The following NDUFA3 variants were observed in gnomAD, a reference collection of about 807,000 sequenced individuals.
NDUFA3 encodes NADH:ubiquinone oxidoreductase subunit A3.
In NDUFA3, 10 loss-of-function variants were observed where a neutral mutation model predicts 11.4. The observed-to-expected ratio is 0.87, with a 90% CI of 0.54 to 1.48. The LOEUF is 1.48. NDUFA3 is among the 40% of genes most tolerant of loss of function. The pLI is 0.00. For missense variants in NDUFA3, 115 were observed against 110.5 expected (o/e 1.04, Z -0.18); for synonymous variants, 39 against 46.9 (o/e 0.83, Z 0.68).
At position 54,104,294 on chromosome 19, in the gene NDUFA3, C is replaced by T. The variant is rs587630002; in HGVS notation, c.85+1106C>T. 5.9e-5 allele frequency among the ~76,000 whole-genome samples: 9 copies of T among 151,936 alleles called. No individual in the cohort carries two copies. The South Asian group carries it at 1.7e-3, about 28-fold the overall frequency. On this transcript the variant is annotated intron_variant, in intron 2 of 3. Coordinates refer to ENST00000485876, the MANE Select transcript of NDUFA3 (RefSeq NM_004542.4). ...CTGGGATTACAGGCGAGCACCACCA[C>T]GCCCGGCTAATTTTTGTATTTTTAG...
chr19:54,102,856 C>T lies in NDUFA3; in HGVS notation c.-23C>T, dbSNP rs1221529143. ...CCCAGGGTGCTCCGCGTCCTCGCCG[C>T]TGTCGCCGCCGCGGAGACAAAGATG... On this transcript the variant is annotated 5_prime_UTR_variant, in exon 1 of 4. Transcript: ENST00000485876. The T allele has an allele frequency of 1.2e-6, 2 of 1,607,256 alleles. No homozygotes were observed. Among genetic ancestry groups the T allele is most frequent in the Non-Finnish European group, 1.7e-6 (2 of 1,176,740 alleles).
chr19:54,103,040 G>T, intron 1 of NDUFA3, 74 bp from the exon 2 acceptor site: 1 of 1,558,616 alleles, frequency 6.4e-7, no homozygotes, highest in Non-Finnish European at 8.8e-7. Context: ...CTCCAGGGCA[G>T]GGGTGGCACG....
In NDUFA3 at chr19:54,107,531, G is replaced by T; in HGVS notation, c.*629G>T. The T allele has an allele frequency of 3.2e-6, 1 of 307,958 alleles. No homozygotes were observed. 19.1% of individuals were successfully genotyped at this position (307,958 alleles called of 1,614,324 possible). ...CCCAAAGTGCCGGGATTACAGGCAT[G>T]AGCCACTGCACCTGGCCAGCCTCAC... is the stretch of plus-strand genomic sequence containing the variant. On this transcript the variant is annotated 3_prime_UTR_variant, in exon 4 of 4. Transcript: ENST00000485876.
intron 3 of NDUFA3, 189 bp downstream of exon 3, chr19:54,106,200 T>G: frequency 1.6e-6 from 1 of 606,554 alleles, no homozygotes; most frequent in Non-Finnish European, 2.9e-6. Context: ...TTCGTTTTTG[T>G]TTTTTGGGGT....
chr19:54,103,331 C>A, intron 2 of NDUFA3, 143 bp downstream of exon 2: 1 of 833,576 alleles, frequency 1.2e-6, no homozygotes, highest in South Asian at 1.8e-5. Context: ...TTATCTATCC[C>A]CATACCCATT....
In NDUFA3 at chr19:54,105,670, C is replaced by A. The variant is rs1289509085; in HGVS notation, c.86-264C>A. On this transcript the variant is annotated intron_variant, in intron 2 of 3. Transcript: ENST00000485876. The stretch of plus-strand genomic sequence containing the variant: ...TCAAACGTGCTCATTCCATGACCAA[C>A]CCCACTGCTGCCTCCTCCAGGCCCC... The A allele has an allele frequency of 5.8e-6, 4 of 684,204 alleles. No homozygotes were observed. The South Asian group carries it at 6.0e-5, about 10-fold the overall frequency. The allele number at this position is 684,204 out of a possible 1,614,324, so 42.4% of individuals were successfully genotyped here. A position where few individuals can be genotyped will look rare whatever the true frequency, so the allele number is the denominator to read the frequency against.
Position 54,103,107 on chromosome 19 carries a change from C to T in NDUFA3, c.11-7C>T. On this transcript the variant is annotated splice_region_variant and splice_polypyrimidine_tract_variant and intron_variant, in intron 1 of 3. Transcript: ENST00000485876. Reference sequence around the variant, plus strand: ...TGCAGGGGTGACGCTTCTTGCCACCCCTTCAGGAGTCGGCGCCTTCCTCAA... The same window carrying T: ...TGCAGGGGTGACGCTTCTTGCCACCTCTTCAGGAGTCGGCGCCTTCCTCAA... The T allele has an allele frequency of 6.2e-7, 1 of 1,612,072 alleles. No individual in the cohort carries two copies. Among genetic ancestry groups the T allele is most frequent in the East Asian group, 2.2e-5 (1 of 44,806 alleles).
At position 54,104,129 on chromosome 19, in the gene NDUFA3, G is replaced by T. The variant is rs1387511201; in HGVS notation, c.85+941G>T. On this transcript the variant is annotated intron_variant, in intron 2 of 3. Transcript: ENST00000485876. The stretch of plus-strand genomic sequence containing the variant: ...ATTACAGGCGTGAGCCACCGCGCCC[G>T]GCCAGCTTTTTTTTTTTTTTTTTTT... 3.7e-5 allele frequency among the ~76,000 whole-genome samples: 5 copies of T among 135,034 alleles called. No homozygotes were observed. The East Asian group carries it at 8.5e-4, about 23-fold the overall frequency. 88.6% of individuals were successfully genotyped at this position (135,034 alleles called of 152,430 possible). A position where few individuals can be genotyped will look rare whatever the true frequency, so the allele number is the denominator to read the frequency against.
At chr19:54,105,264 CTTTTTTTTT>C (rs796770972) in intron 2 of NDUFA3, among the ~76,000 whole-genome samples, 7 of 71,262 alleles carry the variant, frequency 9.8e-5, no homozygotes, top group Admixed American at 8.0e-4. Context: ...GTTTGTAAGG[CTTTTTTTTT>C]TTTTTTTTTT....
chr19:54,102,990 G>A lies in NDUFA3; in HGVS notation c.10+102G>A, dbSNP rs1315355251. Reference sequence around the variant, plus strand: ...GCAGGGCAGGGGTGGAAGCGATGGGGTCCGTGCTGGAGGGGAACGCAGAAG... The same window carrying A: ...GCAGGGCAGGGGTGGAAGCGATGGGATCCGTGCTGGAGGGGAACGCAGAAG... On this transcript the variant is annotated intron_variant, in intron 1 of 3. Coordinates refer to ENST00000485876, the MANE Select transcript of NDUFA3 (RefSeq NM_004542.4). The A allele has an allele frequency of 2.6e-6, 4 of 1,544,050 alleles. No individual in the cohort carries two copies. In the South Asian group the frequency reaches 3.5e-5, roughly 14 times the overall value.
At position 54,106,819 on chromosome 19, in the gene NDUFA3, C is replaced by G. The variant is rs200318289; in HGVS notation, c.172C>G (p.Arg58Gly). Reference protein sequence around the residue: ...ATPYNYPVPVRDDGNMPDVPS... With the variant: ...ATPYNYPVPVGDDGNMPDVPS... ...CACCTCCTGCCCCACAGTGCCCGTC[C>G]GTGATGATGGGAACATGCCCGACGT... The change falls in exon 4 of 4, where the codon CGT becomes GGT. Residue 58 changes from arginine to glycine, a missense_variant. Transcript: ENST00000485876. The G allele has an allele frequency of 1.2e-6, 2 of 1,612,552 alleles. No homozygotes were observed. Among genetic ancestry groups the G allele is most frequent in the East Asian group, 4.5e-5 (2 of 44,838 alleles).
At chr19:54,105,666 C>T (rs1023796529) in intron 2 of NDUFA3, 4 of 680,488 alleles carry the variant, frequency 5.9e-6, no homozygotes, top group Non-Finnish European at 5.5e-6. Flanking sequence ...CATTCCATGA[C>T]CAACCCCACT....
chr19:54,106,561 T>C, intron 3 of NDUFA3: 1 of 463,336 alleles, frequency 2.2e-6, no homozygotes, highest in South Asian at 4.6e-5. Flanking sequence ...CTCAGGTTTC[T>C]GTCCTGTTTC....
At position 54,103,828 on chromosome 19, in the gene NDUFA3, A is replaced by C. The variant is rs587774577; in HGVS notation, c.85+640A>C. Reference sequence around the variant, plus strand: ...CGAGTAGCTGGGATTACAGGCGCCCAGCTAATTTTTTGTTTTTGTTTTTGA... The same window carrying C: ...CGAGTAGCTGGGATTACAGGCGCCCCGCTAATTTTTTGTTTTTGTTTTTGA... On this transcript the variant is annotated intron_variant, in intron 2 of 3. Coordinates refer to ENST00000485876, the MANE Select transcript of NDUFA3 (RefSeq NM_004542.4). Among the ~76,000 whole-genome samples the C allele has an allele frequency of 5.5e-4, 82 of 147,758 alleles. No individual in the cohort carries two copies. The East Asian group carries it at 0.013, about 24-fold the overall frequency.
chr19:54,106,880 T>G lies in NDUFA3; in HGVS notation c.233T>G (p.Leu78Arg). ...SHPQDPQGPS[L>R]EWLKKL ...CCCCAGGACCCTCAGGGCCCCAGCC[T>G]GGAGTGGCTGAAGAAACTGTGAGCA... The change falls in exon 4 of 4, where the codon CTG (leucine) becomes CGG (arginine). Residue 78 changes from leucine to arginine, a missense_variant. By Grantham distance (102) the Leu-to-Arg change is moderately radical. Coordinates refer to ENST00000485876, the MANE Select transcript of NDUFA3 (RefSeq NM_004542.4). 1 of 1,613,362 alleles carries G rather than the reference T, an allele frequency of 6.2e-7. No individual in the cohort carries two copies. The highest frequency in any genetic ancestry group is 8.5e-7 in the Non-Finnish European group (1 of 1,179,810).
rs897235839 is a variant in NDUFA3 at position 54,107,168 on chromosome 19, A to G, written c.*266A>G. On this transcript the variant is annotated 3_prime_UTR_variant, in exon 4 of 4. Coordinates refer to ENST00000485876, the MANE Select transcript of NDUFA3 (RefSeq NM_004542.4). ...AAAGCCAAAGTCTTCCTCAACCTTA[A>G]TCTGCAGGAGATAAGGAACAAGGTG... 10 of 1,613,084 alleles carry G rather than the reference A, an allele frequency of 6.2e-6. No individual in the cohort carries two copies. The highest frequency in any genetic ancestry group is 8.5e-6 in the Non-Finnish European group (10 of 1,179,746).
intron 2 of NDUFA3, among the ~76,000 whole-genome samples, chr19:54,104,973 G>C (rs1358139806): frequency 1.3e-5 from 2 of 152,072 alleles, no homozygotes; most frequent in African/African-American, 4.8e-5. Flanking sequence ...CCTGACCTCA[G>C]GTGATCCACC....
At chr19:54,105,788 A>G (rs2073241007) in intron 2 of NDUFA3, 146 bp from the exon 3 acceptor site, 1 of 729,526 alleles carries the variant, frequency 1.4e-6, no homozygotes, top group Non-Finnish European at 2.5e-6. Flanking sequence ...AGGGATCCCA[A>G]GGTACCAAGG....
chr19:54,105,644 C>T (rs758422561), intron 2 of NDUFA3: 1 of 649,752 alleles, frequency 1.5e-6, no homozygotes, highest in African/African-American at 1.8e-5. Context: ...TGACCCTACA[C>T]TCAAACGTGC....
Sources: allele counts gnomAD v4.1 joint callset (sites outside exome capture counted in the v4.1 genomes callset), GRCh38; gene constraint gnomAD v4.1.1; transcripts MANE v1.5; gene names NCBI Gene and HGNC (gene_info 2026-07-23, HGNC 2026-07-21).